SPOCK3: variants seen among roughly 807,000 people sequenced by gnomAD.
SPOCK3 encodes the protein testican-3.
SPOCK3 carries 30 observed loss-of-function variants against 56.6 expected under a neutral mutation model. The ratio of observed to expected loss-of-function variants is 0.53; its 90% CI spans 0.40 to 0.72. The LOEUF (loss-of-function observed/expected upper bound fraction) is 0.72. Among genes scored for constraint, SPOCK3 ranks in the 30% least tolerant of loss-of-function variants. The probability of loss-of-function intolerance (pLI) is 0.00; values close to 1 mark genes in which losing one functional copy is unlikely to be tolerated. For synonymous variants in SPOCK3, 196 were observed against 183.3 expected (o/e 1.07, Z -0.56); for missense variants, 527 against 530.0 (o/e 0.99, Z 0.06).
At chr4:167,151,922 G>T (rs1764462476) in intron 2 of SPOCK3, among the ~76,000 whole-genome samples, 1 of 152,126 alleles carries the variant, frequency 6.6e-6, no homozygotes. Context: ...ATGACTTACT[G>T]CATTTTTAGT....
At chr4:167,127,174 A>C (rs1762350438) in intron 2 of SPOCK3, among the ~76,000 whole-genome samples, 1 of 152,192 alleles carries the variant, frequency 6.6e-6, no homozygotes, top group South Asian at 2.1e-4. Context: ...GAACAATAGT[A>C]GTAAGATTTG....
chr4:166,987,543 T>C (rs1368707628), intron 4 of SPOCK3, among the ~76,000 whole-genome samples: 1 of 152,190 alleles, frequency 6.6e-6, no homozygotes, highest in Non-Finnish European at 1.5e-5. Flanking sequence ...CCCAGGTGCC[T>C]ATATGCATTA....
chr4:166,956,220 T>TACACACACACACACAC (rs70957803), intron 4 of SPOCK3, among the ~76,000 whole-genome samples: 11 of 149,736 alleles, frequency 7.3e-5, no homozygotes, highest in African/African-American at 2.7e-4. Flanking sequence ...ACCACACACA[T>TACACACACACACACAC]ACACACACAC....
chr4:166,915,312 G>T lies in SPOCK3; in HGVS notation c.351-2569C>A, dbSNP rs1036294221. On this transcript the variant is annotated intron_variant, in intron 4 of 10. Transcript: ENST00000357545. ...TGTACATTCTGCACATGTATCCCAG[G>T]ACTTAAAATAATTAAAAAAAAATGT... is the stretch of plus-strand genomic sequence containing the variant. Among the ~76,000 whole-genome samples the T allele has an allele frequency of 2.0e-5, 3 of 151,876 alleles. No homozygotes were observed. The South Asian group carries it at 6.2e-4, about 32-fold the overall frequency.
At chr4:166,784,043 C>T (rs943812781) in intron 7 of SPOCK3, among the ~76,000 whole-genome samples, 1 of 151,846 alleles carries the variant, frequency 6.6e-6, no homozygotes, top group African/African-American at 2.4e-5. Context: ...GCTTAACACC[C>T]TACATGGCTT....
At chr4:167,224,998 T>C (rs982730395) in intron 2 of SPOCK3, among the ~76,000 whole-genome samples, 5 of 152,132 alleles carry the variant, frequency 3.3e-5, no homozygotes, top group African/African-American at 1.2e-4. Flanking sequence ...ATAGCATAAT[T>C]TAAATAATCA....
At chr4:166,949,553 C>A (rs1382558309) in intron 4 of SPOCK3, among the ~76,000 whole-genome samples, 1 of 152,122 alleles carries the variant, frequency 6.6e-6, no homozygotes, top group African/African-American at 2.4e-5. Flanking sequence ...AGTTTTCCTT[C>A]TAACAGACAG....
intron 6 of SPOCK3, among the ~76,000 whole-genome samples, chr4:166,827,026 T>C (rs912098682): frequency 3.9e-5 from 6 of 152,060 alleles, no homozygotes; most frequent in African/African-American, 1.4e-4. Flanking sequence ...TTTTGCTTTG[T>C]TTGTTTATTA....
chr4:167,112,153 A>G (rs919200420), intron 2 of SPOCK3, among the ~76,000 whole-genome samples: 5 of 152,148 alleles, frequency 3.3e-5, no homozygotes, highest in African/African-American at 9.7e-5. Flanking sequence ...ATCACTCTTA[A>G]AAACTATTAG....
At chr4:166,970,451 C>T (rs771522624) in intron 4 of SPOCK3, among the ~76,000 whole-genome samples, 7 of 152,130 alleles carry the variant, frequency 4.6e-5, no homozygotes, top group African/African-American at 1.2e-4. Context: ...TGGCTGGTAG[C>T]GGTGGCTTGT....
At chr4:167,233,850 C>T in intron 2 of SPOCK3, 135 bp downstream of exon 2, 1 of 739,912 alleles carries the variant, frequency 1.4e-6, no homozygotes, top group Non-Finnish European at 2.3e-6. Context: ...TCTCCAGCAG[C>T]CCTGCGCCGC....
intron 4 of SPOCK3, among the ~76,000 whole-genome samples, chr4:166,964,649 T>C (rs2150062941): frequency 6.6e-6 from 1 of 151,626 alleles, no homozygotes; most frequent in South Asian, 2.1e-4. Context: ...ATAATATTTC[T>C]ATGAGGAGAT....
intron 7 of SPOCK3, among the ~76,000 whole-genome samples, chr4:166,773,789 T>C (rs527462718): frequency 1.6e-4 from 25 of 152,200 alleles, no homozygotes; most frequent in Admixed American, 5.2e-4. Context: ...ACATTACATG[T>C]ATATAAGCAT....
intron 2 of SPOCK3, among the ~76,000 whole-genome samples, chr4:167,198,771 C>T (rs965161841): frequency 6.6e-6 from 1 of 152,088 alleles, no homozygotes; most frequent in African/African-American, 2.4e-5. Context: ...CACTCAAGGG[C>T]AGACTTTTAC....
At chr4:166,910,002 A>G (rs1366459900) in intron 5 of SPOCK3, among the ~76,000 whole-genome samples, 2 of 152,186 alleles carry the variant, frequency 1.3e-5, no homozygotes, top group African/African-American at 4.8e-5. Context: ...GGGAACAAAA[A>G]AACACCAACA....
At chr4:167,051,307 G>A (rs947309389) in intron 3 of SPOCK3, among the ~76,000 whole-genome samples, 4 of 152,156 alleles carry the variant, frequency 2.6e-5, no homozygotes, top group African/African-American at 9.6e-5. Flanking sequence ...TCTCTAGCCA[G>A]CAGAGGCCTC....
intron 7 of SPOCK3, among the ~76,000 whole-genome samples, chr4:166,755,456 C>T (rs1736947454): frequency 6.6e-6 from 1 of 152,126 alleles, no homozygotes; most frequent in African/African-American, 2.4e-5. Context: ...CCTCACGAAC[C>T]TCAGTTTCCT....
intron 6 of SPOCK3, among the ~76,000 whole-genome samples, chr4:166,799,658 T>A: frequency 6.6e-6 from 1 of 152,156 alleles, no homozygotes; most frequent in Non-Finnish European, 1.5e-5. Context: ...GTAGTTGAGA[T>A]GGCAAACAAC....
chr4:166,927,221 T>C (rs538444728), intron 4 of SPOCK3, among the ~76,000 whole-genome samples: 12 of 152,234 alleles, frequency 7.9e-5, no homozygotes, highest in African/African-American at 2.6e-4. Context: ...CCCACCCAAA[T>C]CTCCTCTTGA....
Sources: allele counts gnomAD v4.1 joint callset (sites outside exome capture counted in the v4.1 genomes callset), GRCh38; gene constraint gnomAD v4.1.1; transcripts MANE v1.5; gene names NCBI Gene and HGNC (gene_info 2026-07-23, HGNC 2026-07-21).